DMD: variants seen among roughly 807,000 people sequenced by gnomAD.
DMD encodes the protein dystrophin.
Under a neutral mutation model 330.1 loss-of-function variants are expected in DMD, and 63 were observed. That is an observed-to-expected ratio of 0.19 (90% confidence interval 0.16 to 0.24). The LOEUF is 0.24. DMD is among the 10% of genes least tolerant of loss of function. The pLI is 1.00. For missense variants in DMD, 3,344 were observed against 2,684.1 expected (o/e 1.25, Z -5.43); for synonymous variants, 1,223 against 959.8 (o/e 1.27, Z -5.07).
chrX:31,940,488 T>C (rs1006811143), intron 45 of DMD, among the ~76,000 whole-genome samples: 3 of 111,656 alleles, frequency 2.7e-5, no homozygotes, highest in African/African-American at 9.8e-5. Flanking sequence ...ATATTCCTTG[T>C]TCTTTTTCAT....
intron 12 of DMD, among the ~76,000 whole-genome samples, chrX:32,607,643 G>A (rs1371949040): frequency 9.1e-6 from 1 of 110,001 alleles, no homozygotes; most frequent in Admixed American, 9.7e-5. Flanking sequence ...ATTTTAACAC[G>A]GGATTGGATT....
intron 9 of DMD, among the ~76,000 whole-genome samples, chrX:32,675,831 G>T (rs781024065): frequency 6.3e-5 from 7 of 112,000 alleles, no homozygotes; most frequent in African/African-American, 1.6e-4. Flanking sequence ...ATTAATGTAT[G>T]AAAAGTGTTT....
intron 6 of DMD, among the ~76,000 whole-genome samples, chrX:32,810,174 C>G (rs1279120269): frequency 9.0e-6 from 1 of 110,544 alleles, no homozygotes; most frequent in Admixed American, 9.8e-5. Flanking sequence ...GTTTATTTGT[C>G]AATTATACAG....
At chrX:32,633,472 C>T (rs779731012) in intron 11 of DMD, among the ~76,000 whole-genome samples, 1 of 111,916 alleles carries the variant, frequency 8.9e-6, no homozygotes, top group African/African-American at 3.3e-5. Flanking sequence ...TCCAAATTTT[C>T]CCTCATCTGT....
At position 32,073,302 on chromosome X, in the gene DMD, G is replaced by A. The variant is rs188005167; in HGVS notation, c.6439-104788C>T. Among the ~76,000 whole-genome samples the A allele has an allele frequency of 5.8e-4, 65 of 111,675 alleles. 1 individual carries two copies. The highest frequency in any genetic ancestry group is 5.7e-3 in the Admixed American group (60 of 10,480). Reference sequence around the variant, plus strand: ...ATTAATTCTTTCAGTTCACTAGGGCGTCATTTGGCAAATTACTATATGTGA... The same window carrying A: ...ATTAATTCTTTCAGTTCACTAGGGCATCATTTGGCAAATTACTATATGTGA... On this transcript the variant is annotated intron_variant, in intron 44 of 78. Coordinates refer to ENST00000357033, the MANE Select transcript of DMD (RefSeq NM_004006.3).
intron 44 of DMD, among the ~76,000 whole-genome samples, chrX:32,155,973 A>AAC (rs60347530): frequency 0.08 from 7,608 of 95,538 alleles, 287 homozygotes; most frequent in East Asian, 0.098. Flanking sequence ...TTTGTCATTC[A>AAC]ACACACACAC....
chrX:31,734,616 C>A (rs2086740590), intron 51 of DMD, among the ~76,000 whole-genome samples: 1 of 111,359 alleles, frequency 9.0e-6, no homozygotes, highest in Non-Finnish European at 1.9e-5. Context: ...TGAGTTATAG[C>A]AATTTTTTAA....
chrX:32,600,574 T>TCA (rs1224948145), intron 12 of DMD, among the ~76,000 whole-genome samples: 3 of 83,134 alleles, frequency 3.6e-5, no homozygotes, highest in Non-Finnish European at 6.5e-5. Flanking sequence ...TACTTGCAGG[T>TCA]CACACACACA....
In DMD at chrX:32,438,279, C is replaced by G. The variant is rs2148193515; in HGVS notation, c.4033G>C (p.Glu1345Gln). ...VMDELINEEL[E>Q]TFNSRWRELH... ...TCCCTCCAACGAGAATTAAATGTCT[C>G]AAGTTCCTCATTGATTAGCTCATCC... The change falls in exon 29 of 79, where the codon GAG becomes CAG. Residue 1345 changes from glutamate (E) to glutamine (Q), a missense_variant. Glu to Gln is a conservative substitution (Grantham distance 29). Transcript: ENST00000357033. The G allele has an allele frequency of 8.3e-7, 1 of 1,211,408 alleles. No individual in the cohort carries two copies. Among genetic ancestry groups the G allele is most frequent in the South Asian group, 1.8e-5 (1 of 57,008 alleles).
intron 44 of DMD, among the ~76,000 whole-genome samples, chrX:32,186,408 T>G (rs73458027): frequency 0.029 from 3,288 of 111,532 alleles, 125 homozygotes; most frequent in African/African-American, 0.099. Context: ...ACCTGATTGA[T>G]TCTGCATTTT....
intron 29 of DMD, among the ~76,000 whole-genome samples, chrX:32,427,994 T>C (rs1297230789): frequency 9.0e-6 from 1 of 111,667 alleles, no homozygotes; most frequent in Non-Finnish European, 1.9e-5. Context: ...TTTACTTCCC[T>C]CTCAGTTGAT....
intron 1 of DMD, among the ~76,000 whole-genome samples, chrX:33,192,969 G>A (rs188968247): frequency 0.012 from 1,344 of 111,284 alleles, 22 homozygotes; most frequent in African/African-American, 0.042. Context: ...AGTTTTACAG[G>A]AAAAAAATTT....
At chrX:32,318,030 A>G (rs1002553285) in intron 41 of DMD, among the ~76,000 whole-genome samples, 6 of 111,171 alleles carry the variant, frequency 5.4e-5, no homozygotes, top group Non-Finnish European at 1.1e-4. Flanking sequence ...TTTAAAAGTA[A>G]TAACACAATG....
chrX:32,019,452 A>T (rs1195167447), intron 44 of DMD, among the ~76,000 whole-genome samples: 2 of 112,463 alleles, frequency 1.8e-5, no homozygotes, highest in Non-Finnish European at 3.8e-5. Context: ...TTTTTAAGCC[A>T]GTAAGTTAAA....
rs146543360 is a variant in DMD, at chrX:32,522,911, G to C, written c.2169-4780C>G. ...CCCTCTGACTCATAAATATGAGATAGGAATATCCACCAGTCACTTTCAAAT... is the reference window on the plus strand; with the variant it reads ...CCCTCTGACTCATAAATATGAGATACGAATATCCACCAGTCACTTTCAAAT... On this transcript the variant is annotated intron_variant, in intron 17 of 78. Transcript: ENST00000357033. Among the ~76,000 whole-genome samples the C allele has an allele frequency of 8.8e-3, 986 of 111,840 alleles. 16 individuals carry two copies. The highest frequency in any genetic ancestry group is 0.03 in the African/African-American group (937 of 30,759).
At chrX:32,681,075 G>C (rs759823865) in intron 9 of DMD, among the ~76,000 whole-genome samples, 1 of 112,214 alleles carries the variant, frequency 8.9e-6, no homozygotes, top group East Asian at 2.8e-4. Context: ...GAATCTTAGA[G>C]CAGCAAAGAT....
At chrX:32,486,583 C>T (rs987339453) in intron 20 of DMD, among the ~76,000 whole-genome samples, 1 of 110,243 alleles carries the variant, frequency 9.1e-6, no homozygotes, top group Non-Finnish European at 1.9e-5. Flanking sequence ...AGGCATCACA[C>T]TACCTGACTT....
chrX:32,148,390 G>A lies in DMD; in HGVS notation c.6438+68526C>T, dbSNP rs551454315. Among the ~76,000 whole-genome samples, 62 of 111,172 alleles carry A rather than the reference G, an allele frequency of 5.6e-4. No homozygotes were observed. In the South Asian group the frequency reaches 0.022, roughly 40 times the overall value. On this transcript the variant is annotated intron_variant, in intron 44 of 78. Transcript: ENST00000357033. The stretch of plus-strand genomic sequence containing the variant: ...AATAAGGAGAATAAGATTTGTTAAG[G>A]TATTTTGAAAATTAATTTTAAATTG...
intron 11 of DMD, among the ~76,000 whole-genome samples, chrX:32,643,803 A>G (rs2059620954): frequency 8.9e-6 from 1 of 111,740 alleles, no homozygotes; most frequent in South Asian, 3.7e-4. Context: ...TTATGTACAC[A>G]ATCTCCTGTG....
Sources: allele counts gnomAD v4.1 joint callset (sites outside exome capture counted in the v4.1 genomes callset), GRCh38; gene constraint gnomAD v4.1.1; transcripts MANE v1.5; gene names NCBI Gene and HGNC (gene_info 2026-07-23, HGNC 2026-07-21).